LRRC4C: variants seen among roughly 807,000 people sequenced by gnomAD.
LRRC4C encodes the protein leucine rich repeat containing 4C.
Under a neutral mutation model 33.6 loss-of-function variants are expected in LRRC4C, and 5 were observed. The ratio of observed to expected loss-of-function variants is 0.15; its 90% confidence interval spans 0.08 to 0.31. The LOEUF (loss-of-function observed/expected upper bound fraction) is 0.31. LRRC4C is among the 10% of genes least tolerant of loss of function. The pLI, the probability that LRRC4C is intolerant of heterozygous loss-of-function variation, is 1.00. For synonymous variants in LRRC4C, 329 were observed against 302.0 expected, an observed-to-expected ratio of 1.09 and a Z score of -0.93; for missense variants, 560 against 796.7, an observed-to-expected ratio of 0.70 and a Z score of 3.58.
intron 3 of LRRC4C, among the ~76,000 whole-genome samples, chr11:40,550,734 TATCAGC>T (rs1355854671): frequency 2.0e-5 from 3 of 152,136 alleles, no homozygotes; most frequent in African/African-American, 7.2e-5. Flanking sequence ...GCCCTTCATT[TATCAGC>T]AGAAGGACCA....
chr11:40,532,934 G>A (rs1419068320), intron 3 of LRRC4C, among the ~76,000 whole-genome samples: 1 of 152,028 alleles, frequency 6.6e-6, no homozygotes, highest in Non-Finnish European at 1.5e-5. Flanking sequence ...GTAGCAGGAG[G>A]AAAACTAAAT....
chr11:40,226,902 T>C (rs756467661), intron 5 of LRRC4C, among the ~76,000 whole-genome samples: 1 of 152,232 alleles, frequency 6.6e-6, no homozygotes, highest in Non-Finnish European at 1.5e-5. Context: ...ACTAGGGAAT[T>C]GGCAGTTCTC....
intron 1 of LRRC4C, among the ~76,000 whole-genome samples, chr11:41,185,135 G>A (rs1225996694): frequency 1.3e-5 from 2 of 151,978 alleles, no homozygotes; most frequent in African/African-American, 4.8e-5. Flanking sequence ...TGGGGACACA[G>A]CCAAACCATA....
In LRRC4C at chr11:40,939,257, C is replaced by T. The variant is rs1592141125; in HGVS notation, c.-495-5534G>A. Reference sequence around the variant, plus strand: ...TAATTTTAAAAAGGTGGCACAATGACACTTCTGAAATTCAAAGGGTGCTCT... The same window carrying T: ...TAATTTTAAAAAGGTGGCACAATGATACTTCTGAAATTCAAAGGGTGCTCT... On this transcript the variant is annotated intron_variant, in intron 1 of 6. Coordinates refer to ENST00000528697, the MANE Select transcript of LRRC4C (RefSeq NM_001258419.2). Among the ~76,000 whole-genome samples the T allele has an allele frequency of 2.0e-5, 3 of 152,200 alleles. No homozygotes were observed. The East Asian group carries it at 5.8e-4, about 29-fold the overall frequency.
chr11:40,355,366 T>C (rs990770838), intron 3 of LRRC4C, among the ~76,000 whole-genome samples: 1 of 152,114 alleles, frequency 6.6e-6, no homozygotes, highest in South Asian at 2.1e-4. Context: ...GTCTGCTGGC[T>C]CTGAGCCTAC....
intron 1 of LRRC4C, among the ~76,000 whole-genome samples, chr11:41,247,930 C>T (rs868546280): frequency 5.3e-5 from 8 of 152,116 alleles, no homozygotes; most frequent in Non-Finnish European, 1.2e-4. Flanking sequence ...GCAAAGAGCT[C>T]TTTGGACTCT....
At chr11:41,096,211 T>C (rs2135576984) in intron 1 of LRRC4C, among the ~76,000 whole-genome samples, 1 of 152,318 alleles carries the variant, frequency 6.6e-6, no homozygotes, top group Non-Finnish European at 1.5e-5. Context: ...CATTTTTTCA[T>C]AAATTAGATT....
intron 1 of LRRC4C, among the ~76,000 whole-genome samples, chr11:41,074,874 C>T (rs1938987322): frequency 6.6e-6 from 1 of 152,034 alleles, no homozygotes; most frequent in Non-Finnish European, 1.5e-5. Context: ...AAACCAACAA[C>T]AACAATAAAA....
chr11:41,198,967 G>C (rs1946295790), intron 1 of LRRC4C, among the ~76,000 whole-genome samples: 1 of 152,040 alleles, frequency 6.6e-6, no homozygotes, highest in Non-Finnish European at 1.5e-5. Flanking sequence ...AAAAGCGAAA[G>C]GTACTAGTTG....
intron 3 of LRRC4C, among the ~76,000 whole-genome samples, chr11:40,605,610 G>C (rs1464871650): frequency 6.6e-6 from 1 of 152,154 alleles, no homozygotes; most frequent in African/African-American, 2.4e-5. Flanking sequence ...CTCCCTGGGG[G>C]AAGAAAAGAA....
chr11:41,006,375 C>T (rs1012038523), intron 1 of LRRC4C, among the ~76,000 whole-genome samples: 1 of 152,092 alleles, frequency 6.6e-6, no homozygotes, highest in Non-Finnish European at 1.5e-5. Context: ...AGAGTCTTAC[C>T]CCAGTGCTGT....
intron 2 of LRRC4C, among the ~76,000 whole-genome samples, chr11:40,780,708 T>C (rs917557961): frequency 6.6e-6 from 1 of 152,056 alleles, no homozygotes; most frequent in Non-Finnish European, 1.5e-5. Flanking sequence ...GAACCTCATA[T>C]ACAGTTCTTA....
intron 3 of LRRC4C, among the ~76,000 whole-genome samples, chr11:40,371,828 C>T (rs982223758): frequency 3.3e-5 from 5 of 152,100 alleles, no homozygotes; most frequent in Non-Finnish European, 7.4e-5. Context: ...GATTGAGGCT[C>T]CCAACTGGAC....
intron 3 of LRRC4C, among the ~76,000 whole-genome samples, chr11:40,631,997 T>C (rs7124424): frequency 0.45 from 69,100 of 151,966 alleles, 16,364 homozygotes; most frequent in Middle Eastern, 0.57. Context: ...ATTATTAACA[T>C]CATTTTATCA....
intron 1 of LRRC4C, among the ~76,000 whole-genome samples, chr11:40,992,005 A>C (rs1853609087): frequency 6.6e-6 from 1 of 152,204 alleles, no homozygotes; most frequent in Non-Finnish European, 1.5e-5. Context: ...TGTAAAAGAT[A>C]TGAAAATCTC....
At chr11:41,330,722 G>A (rs1017118161) in intron 1 of LRRC4C, among the ~76,000 whole-genome samples, 1 of 151,892 alleles carries the variant, frequency 6.6e-6, no homozygotes, top group Non-Finnish European at 1.5e-5. Flanking sequence ...GAACTACAGT[G>A]TAGTTTTAAT....
chr11:40,696,748 G>GTA (rs57752272), intron 2 of LRRC4C, among the ~76,000 whole-genome samples: 10,081 of 125,640 alleles, frequency 0.08, 433 homozygotes, highest in Admixed American at 0.12. Flanking sequence ...TATACACTGT[G>GTA]TATATATATA....
Position 41,312,138 on chromosome 11 carries a change from A to T in LRRC4C, c.-496+147293T>A, listed in dbSNP as rs188681960. On this transcript the variant is annotated intron_variant, in intron 1 of 6. Transcript: ENST00000528697. Reference sequence around the variant, plus strand: ...ACAAAGTGGATGACCAAAAAGGAGAAAGAAACCAGGAATTAGCCAGTTTGA... The same window carrying T: ...ACAAAGTGGATGACCAAAAAGGAGATAGAAACCAGGAATTAGCCAGTTTGA... 4.8e-3 allele frequency among the ~76,000 whole-genome samples: 736 copies of T among 152,208 alleles called. 4 individuals carry two copies. The highest frequency in any genetic ancestry group is 0.016 in the African/African-American group (654 of 41,548).
chr11:41,150,907 T>C (rs1348714466), intron 1 of LRRC4C, among the ~76,000 whole-genome samples: 2 of 152,070 alleles, frequency 1.3e-5, no homozygotes, highest in African/African-American at 4.8e-5. Context: ...AACATACAGA[T>C]GATGGGAGAA....
Sources: allele counts gnomAD v4.1 joint callset (sites outside exome capture counted in the v4.1 genomes callset), GRCh38; gene constraint gnomAD v4.1.1; transcripts MANE v1.5; gene names NCBI Gene and HGNC (gene_info 2026-07-23, HGNC 2026-07-21).